The following ABHD12 variants were observed in gnomAD, a reference collection of about 807,000 sequenced individuals.
The protein encoded by ABHD12 is lysophosphatidylserine lipase ABHD12.
Under a neutral mutation model 58.3 loss-of-function variants are expected in ABHD12, and 43 were observed. The observed-to-expected ratio is 0.74, with a 90% confidence interval of 0.58 to 0.95. The LOEUF is 0.95. Among genes scored for constraint, ABHD12 ranks in the 40% least tolerant of loss-of-function variants. The pLI, the probability that ABHD12 is intolerant of heterozygous loss-of-function variation, is 0.00. For synonymous variants in ABHD12, 219 were observed against 211.2 expected, an observed-to-expected ratio of 1.04 and a Z score of -0.32; for missense variants, 539 against 537.2, an observed-to-expected ratio of 1.00 and a Z score of -0.03.
At chr20:25,348,191 C>T (rs1252880901) in intron 1 of ABHD12, among the ~76,000 whole-genome samples, 2 of 149,898 alleles carry the variant, frequency 1.3e-5, no homozygotes, top group African/African-American at 4.9e-5. Flanking sequence ...GCATGGGCAA[C>T]AGAGCAAGAC....
At chr20:25,296,840 G>C (rs200376699), downstream of ABHD12, 4 of 351,808 alleles carry the variant, frequency 1.1e-5, no homozygotes, top group Non-Finnish European at 5.2e-6. Flanking sequence ...CCAGAACTTT[G>C]CACACATCTT....
At chr20:25,346,527 G>A (rs181577479) in intron 1 of ABHD12, among the ~76,000 whole-genome samples, 4 of 152,336 alleles carry the variant, frequency 2.6e-5, no homozygotes, top group African/African-American at 9.6e-5. Context: ...TGCCATTGCA[G>A]TGCAGGATGT....
intron 9 of ABHD12, among the ~76,000 whole-genome samples, chr20:25,307,267 G>A (rs1238891952): frequency 6.6e-6 from 1 of 152,262 alleles, no homozygotes; most frequent in Non-Finnish European, 1.5e-5. Context: ...CCCTGAGAAA[G>A]TGGGGTCTAT....
At chr20:25,296,356 CT>C (rs1373677187), downstream of ABHD12, 8 of 1,613,978 alleles carry the variant, frequency 5.0e-6, no homozygotes, top group Admixed American at 1.2e-4. Context: ...CTAATTTCAT[CT>C]CCTTCCCTGC....
intron 9 of ABHD12, among the ~76,000 whole-genome samples, chr20:25,307,589 A>C (rs1390181945): frequency 6.6e-6 from 1 of 152,258 alleles, no homozygotes; most frequent in East Asian, 1.9e-4. Flanking sequence ...CTGGAAGGCC[A>C]GACTCCCTGG....
intron 4 of ABHD12, among the ~76,000 whole-genome samples, 158 bp downstream of exon 4, chr20:25,320,041 G>A (rs1487968110): frequency 1.3e-5 from 2 of 152,200 alleles, no homozygotes; most frequent in South Asian, 2.1e-4. Flanking sequence ...CTTTCCCTTC[G>A]TTCTTGGGAG....
At chr20:25,348,323 A>G (rs1334775039) in intron 1 of ABHD12, among the ~76,000 whole-genome samples, 1 of 152,136 alleles carries the variant, frequency 6.6e-6, no homozygotes, top group Non-Finnish European at 1.5e-5. Context: ...GAATATGAAT[A>G]TACAAAATCA....
At chr20:25,358,245 AG>A (rs1568757768) in intron 1 of ABHD12, among the ~76,000 whole-genome samples, 1 of 152,236 alleles carries the variant, frequency 6.6e-6, no homozygotes, top group South Asian at 2.1e-4. Flanking sequence ...TAATAATAGC[AG>A]GAAGAACTAG....
chr20:25,308,584 A>G, intron 7 of ABHD12, 90 bp from the exon 8 acceptor site: 1 of 1,465,282 alleles, frequency 6.8e-7, no homozygotes, highest in South Asian at 1.2e-5. Flanking sequence ...CAGAGGAGCC[A>G]TGGGGTCTGT....
intron 1 of ABHD12, among the ~76,000 whole-genome samples, chr20:25,373,964 G>A (rs2089930234): frequency 6.6e-6 from 1 of 152,084 alleles, no homozygotes; most frequent in African/African-American, 2.4e-5. Context: ...TCACTCTGTT[G>A]CCCAGACCAG....
chr20:25,382,714 C>A (rs1294271328), intron 1 of ABHD12, among the ~76,000 whole-genome samples: 1 of 152,170 alleles, frequency 6.6e-6, no homozygotes, highest in East Asian at 1.9e-4. Flanking sequence ...ATACCCCTCA[C>A]AGTTCAGGCC....
chr20:25,303,344 C>T, intron 11 of ABHD12: 1 of 1,469,662 alleles, frequency 6.8e-7, no homozygotes, highest in Non-Finnish European at 9.0e-7. Context: ...CCAACCTTTA[C>T]ACCAGACCTC....
intron 11 of ABHD12, chr20:25,303,188 TA>T: frequency 8.5e-7 from 1 of 1,177,810 alleles, no homozygotes; most frequent in Non-Finnish European, 1.1e-6. Flanking sequence ...CTTCAGCCCA[TA>T]ACTGATGAGC....
In ABHD12 at chr20:25,340,310, GA is replaced by G. The variant is rs757500322; in HGVS notation, c.192-960del. On this transcript the variant is annotated intron_variant, in intron 1 of 12. Transcript: ENST00000339157. ...CCAATACAAAAAATTTTAGTGAGAA[GA>G]AAAAAAATTTTAGTGAGGAGTGACA... is the stretch of plus-strand genomic sequence containing the variant. 2.0e-5 allele frequency among the ~76,000 whole-genome samples: 3 copies of G among 152,102 alleles called. 1 individual carries two copies.
intron 10 of ABHD12, among the ~76,000 whole-genome samples, chr20:25,304,150 C>T (rs1362983452): frequency 1.3e-5 from 2 of 152,268 alleles, no homozygotes; most frequent in African/African-American, 2.4e-5. Flanking sequence ...CTCTCCTGTG[C>T]GGCCCTCACT....
At position 25,306,922 on chromosome 20, in the gene ABHD12, A is replaced by G. The variant is rs2088754171; in HGVS notation, c.868-7T>C. On this transcript the variant is annotated splice_region_variant and splice_polypyrimidine_tract_variant and intron_variant, in intron 9 of 12. Coordinates refer to ENST00000339157, the MANE Select transcript of ABHD12 (RefSeq NM_001042472.3). Reference sequence around the variant, plus strand: ...CAGGGAAGTATCGATATATCTGGAGACAAGATGGAAACCATTTTCAGAAGC... The same window carrying G: ...CAGGGAAGTATCGATATATCTGGAGGCAAGATGGAAACCATTTTCAGAAGC... 1.3e-6 allele frequency: 2 copies of G among 1,599,456 alleles called. No homozygotes were observed. Among genetic ancestry groups the G allele is most frequent in the Admixed American group, 1.7e-5 (1 of 59,976 alleles).
chr20:25,390,477 G>GGGGGCC, intron 1 of ABHD12, 36 bp downstream of exon 1: 7 of 98,476 alleles, frequency 7.1e-5, no homozygotes, highest in East Asian at 7.1e-4. Context: ...TGAGGGACCG[G>GGGGGCC]CCCCCCCCCC....
chr20:25,368,209 A>AG (rs2146101707), intron 1 of ABHD12: 1 of 1,245,684 alleles, frequency 8.0e-7, no homozygotes, highest in Admixed American at 1.8e-5. Context: ...AATGGGGTGG[A>AG]GGGGTGCTCT....
At chr20:25,341,812 G>C (rs991642038) in intron 1 of ABHD12, among the ~76,000 whole-genome samples, 1 of 152,112 alleles carries the variant, frequency 6.6e-6, no homozygotes, top group Non-Finnish European at 1.5e-5. Flanking sequence ...TATCCTGAGA[G>C]AAAACGAAAA....
Sources: allele counts gnomAD v4.1 joint callset (sites outside exome capture counted in the v4.1 genomes callset), GRCh38; gene constraint gnomAD v4.1.1; transcripts MANE v1.5; gene names NCBI Gene and HGNC (gene_info 2026-07-23, HGNC 2026-07-21).